Variants in NIT2 observed in about 807,000 individuals in gnomAD.
NIT2 encodes the protein omega-amidase NIT2.
Under a neutral mutation model 42.7 loss-of-function variants are expected in NIT2, and 46 were observed. The ratio of observed to expected loss-of-function variants is 1.08; its 90% CI spans 0.85 to 1.38. The LOEUF (loss-of-function observed/expected upper bound fraction) is 1.38, where lower values mean the gene tolerates loss of function less well. Among genes scored for constraint, NIT2 ranks in the 40% most tolerant of loss-of-function variants. The probability of loss-of-function intolerance (pLI) is 0.00; values close to 1 mark genes in which losing one functional copy is unlikely to be tolerated. For missense variants in NIT2, 309 were observed against 342.5 expected (o/e 0.90, Z 0.77); for synonymous variants, 123 against 121.9 (o/e 1.01, Z -0.06).
In NIT2 at chr3:100,359,717, G is replaced by A. The variant is rs951077758; in HGVS notation, c.*4449G>A. On this transcript the variant is annotated 3_prime_UTR_variant, in exon 10 of 10. Coordinates refer to ENST00000394140, the MANE Select transcript of NIT2 (RefSeq NM_020202.5). The stretch of plus-strand genomic sequence containing the variant: ...CTGAGGAATCTCAGCTACATGCATG[G>A]TCTTCAATATATGCCGATAATTCTC... 2 of 152,108 alleles carry A rather than the reference G, an allele frequency of 1.3e-5. No homozygotes were observed. Among genetic ancestry groups the A allele is most frequent in the Non-Finnish European group, 2.9e-5 (2 of 68,034 alleles). 9.4% of individuals were successfully genotyped at this position (152,108 alleles called of 1,614,324 possible). A position where few individuals can be genotyped will look rare whatever the true frequency, so the allele number is the denominator to read the frequency against.
chr3:100,352,570 GGGTTTTCT>G, intron 8 of NIT2, 68 bp downstream of exon 8: 1 of 1,209,318 alleles, frequency 8.3e-7, no homozygotes, highest in East Asian at 2.4e-5. Context: ...GTTGGCAGAT[GGGTTTTCT>G]GGTTCCTGAG....
rs1261806001 is a variant in NIT2, at chr3:100,352,514, T to G, written c.683+12T>G. 6.2e-7 allele frequency: 1 copy of G among 1,601,930 alleles called. No homozygotes were observed. Among genetic ancestry groups the G allele is most frequent in the Admixed American group, 1.7e-5 (1 of 59,904 alleles). On this transcript the variant is annotated intron_variant, in intron 8 of 9. Transcript: ENST00000394140. ...GTGGTGAACCCTTGGTGAGTAAGGC[T>G]AAGTGAGAATAGGCTCAGTCGGAGC...
chr3:100,353,257 T>C (rs1309536439), intron 8 of NIT2, among the ~76,000 whole-genome samples: 1 of 152,226 alleles, frequency 6.6e-6, no homozygotes, highest in East Asian at 1.9e-4. Flanking sequence ...ACACTAGTTC[T>C]CTGTATGAAA....
rs757710095 is a variant in NIT2 at position 100,354,762 on chromosome 3, T to C, written c.684-10T>C. ...GTGAATCCACTCATTCTCTTCTGCA[T>C]CTTTTTCAGGGGGGAGGTTCTAGCC... On this transcript the variant is annotated splice_polypyrimidine_tract_variant and intron_variant, in intron 8 of 9. Coordinates refer to ENST00000394140, the MANE Select transcript of NIT2 (RefSeq NM_020202.5). The C allele has an allele frequency of 6.2e-7, 1 of 1,606,028 alleles. No homozygotes were observed. The highest frequency in any genetic ancestry group is 1.7e-4 in the Middle Eastern group (1 of 6,042).
Position 100,352,476 on chromosome 3 carries a change from G to T in NIT2, c.657G>T (p.Trp219Cys). 6.2e-7 allele frequency: 1 copy of T among 1,613,310 alleles called. No homozygotes were observed. Residue 219 changes from tryptophan to cysteine, a missense_variant, in exon 8 of 10, where the codon TGG becomes TGT. By Grantham distance (215) the Trp-to-Cys change is radical. Coordinates refer to ENST00000394140, the MANE Select transcript of NIT2 (RefSeq NM_020202.5). ...ATGACAAAGCCTCCTATGTTGCCTG[G>T]GGACACAGCACCGTGGTGAACCCTT... ...ARDDKASYVA[W>C]GHSTVVNPWG...
At chr3:100,344,947 T>C (rs367778227) in intron 4 of NIT2, among the ~76,000 whole-genome samples, 3 of 124,452 alleles carry the variant, frequency 2.4e-5, no homozygotes, top group East Asian at 5.5e-4. Context: ...TTCTGATAAG[T>C]ATTTTTTTTT....
chr3:100,342,493 A>G (rs1205653823), intron 4 of NIT2, among the ~76,000 whole-genome samples: 2 of 145,170 alleles, frequency 1.4e-5, no homozygotes, highest in African/African-American at 5.0e-5. Context: ...TAATTTATCT[A>G]TTGGCTTTTT....
In NIT2 at chr3:100,347,039, T is replaced by C. The variant is rs16842145; in HGVS notation, c.505+784T>C. On this transcript the variant is annotated intron_variant, in intron 6 of 9. Transcript: ENST00000394140. ...TGAAAAGAATTACAAAACGTGGTCA[T>C]TGGCCATGTGGAGCTGACATATGGA... Among the ~76,000 whole-genome samples the C allele has an allele frequency of 4.3e-3, 660 of 152,310 alleles. 5 individuals are homozygous for C. The highest frequency in any genetic ancestry group is 0.015 in the African/African-American group (603 of 41,564).
chr3:100,346,178 C>T lies in NIT2; in HGVS notation c.431-3C>T. ...CATTTGTGCATTTTCTGTTTGGAAA[C>T]AGCTTACTGCAGAGTGGGTCTGGGC... On this transcript the variant is annotated splice_polypyrimidine_tract_variant and splice_region_variant and intron_variant, in intron 5 of 9. Transcript: ENST00000394140. 6.2e-7 allele frequency: 1 copy of T among 1,613,820 alleles called. No homozygotes were observed. The highest frequency in any genetic ancestry group is 8.5e-7 in the Non-Finnish European group (1 of 1,179,754).
intron 4 of NIT2, 139 bp downstream of exon 4, chr3:100,341,300 G>A: frequency 1.6e-6 from 1 of 610,214 alleles, no homozygotes; most frequent in Non-Finnish European, 3.0e-6. Context: ...GGCACAGGTG[G>A]TTATTCTTGG....
At position 100,352,466 on chromosome 3, in the gene NIT2, A is replaced by T; in HGVS notation, c.647A>T (p.Tyr216Phe). 1 of 1,613,540 alleles carries T rather than the reference A, an allele frequency of 6.2e-7. No individual in the cohort carries two copies. Among genetic ancestry groups the T allele is most frequent in the Non-Finnish European group, 8.5e-7 (1 of 1,179,596 alleles). The stretch of plus-strand genomic sequence containing the variant: ...CCTGCCCGGGATGACAAAGCCTCCT[A>T]TGTTGCCTGGGGACACAGCACCGTG... ...ASPARDDKAS[Y>F]VAWGHSTVVN... is the part of the protein sequence containing the mutation. Residue 216 changes from tyrosine to phenylalanine, a missense_variant, in exon 8 of 10, where the codon TAT becomes TTT. Transcript: ENST00000394140.
intron 7 of NIT2, among the ~76,000 whole-genome samples, chr3:100,350,321 G>T (rs1400069669): frequency 6.6e-6 from 1 of 152,192 alleles, no homozygotes; most frequent in Admixed American, 6.5e-5. Context: ...AGTCTCGAGG[G>T]CTCCGAGGTG....
intron 9 of NIT2, 93 bp downstream of exon 9, chr3:100,354,920 G>A: frequency 9.5e-7 from 1 of 1,049,088 alleles, no homozygotes; most frequent in Non-Finnish European, 1.4e-6. Context: ...ATTTGGAGGG[G>A]TTCCTTTATG....
intron 3 of NIT2, 69 bp downstream of exon 3, chr3:100,340,004 C>A (rs574294204): frequency 7.3e-7 from 1 of 1,363,602 alleles, no homozygotes; most frequent in East Asian, 2.5e-5. Flanking sequence ...GGTGTGGTGG[C>A]GTGCGCCTGT....
chr3:100,335,065 TGACAGAGGCTGATG>T (rs1471072442), intron 1 of NIT2: 1 of 495,212 alleles, frequency 2.0e-6, no homozygotes, highest in East Asian at 7.5e-5. Context: ...GCGTCCTGCT[TGACAGAGGCTGATG>T]GACGTGTATT....
rs1161373530 is a variant in NIT2, at chr3:100,355,433, A to G, written c.*165A>G. On this transcript the variant is annotated 3_prime_UTR_variant, in exon 10 of 10. Transcript: ENST00000394140. ...TCATTATGCTGACATTTTCCACGCCACATTAAATAGTTAAAAAGGATGCAG... is the reference window on the plus strand; with the variant it reads ...TCATTATGCTGACATTTTCCACGCCGCATTAAATAGTTAAAAAGGATGCAG... 1.1e-5 allele frequency: 6 copies of G among 555,462 alleles called. No individual in the cohort carries two copies. The highest frequency in any genetic ancestry group is 1.9e-5 in the Non-Finnish European group (6 of 317,040). The allele number at this position is 555,462 out of a possible 1,614,324, so 34.4% of individuals were successfully genotyped here.
intron 1 of NIT2, 65 bp from the exon 2 acceptor site, chr3:100,339,022 A>G (rs951505055): frequency 3.0e-5 from 34 of 1,130,500 alleles, no homozygotes; most frequent in African/African-American, 1.2e-4. Flanking sequence ...TTTGAGAACT[A>G]TGGCTCTGTC....
At position 100,350,918 on chromosome 3, in the gene NIT2, C is replaced by T. The variant is rs113852881; in HGVS notation, c.585-1486C>T. Among the ~76,000 whole-genome samples the T allele has an allele frequency of 6.2e-3, 944 of 151,902 alleles. 9 individuals are homozygous for T. The highest frequency in any genetic ancestry group is 0.021 in the African/African-American group (881 of 41,394). On this transcript the variant is annotated intron_variant, in intron 7 of 9. Coordinates refer to ENST00000394140, the MANE Select transcript of NIT2 (RefSeq NM_020202.5). Reference sequence around the variant, plus strand: ...TCCCCTTCGTGTGTCCATGTGTTCTCATTGTTCAATTCCCACCTATGAGTG... The same window carrying T: ...TCCCCTTCGTGTGTCCATGTGTTCTTATTGTTCAATTCCCACCTATGAGTG...
At chr3:100,345,834 C>A (rs1396401837) in intron 5 of NIT2, 156 bp downstream of exon 5, 1 of 629,864 alleles carries the variant, frequency 1.6e-6, no homozygotes. Flanking sequence ...AAAGTTCGGG[C>A]TTATTTGAGA....
Sources: gnomAD v4.1 joint callset for allele counts (sites outside exome capture counted in the v4.1 genomes callset) on GRCh38, gnomAD v4.1.1 for gene constraint, MANE v1.5 for transcripts, NCBI Gene and HGNC (gene_info 2026-07-23, HGNC 2026-07-21) for gene names.